Variants in GRM7 observed in about 807,000 individuals in gnomAD.
GRM7 encodes glutamate metabotropic receptor 7.
In GRM7, 35 loss-of-function variants were observed where a neutral mutation model predicts 84.5. The ratio of observed to expected loss-of-function variants is 0.41; its 90% CI spans 0.32 to 0.55. The LOEUF (loss-of-function observed/expected upper bound fraction) is 0.55, where lower values mean the gene tolerates loss of function less well. Among genes scored for constraint, GRM7 ranks in the 20% least tolerant of loss-of-function variants. GRM7 has a pLI of 0.19. For synonymous variants in GRM7, 487 were observed against 455.1 expected, an observed-to-expected ratio of 1.07 and a Z score of -0.89; for missense variants, 1,003 against 1,194.6, an observed-to-expected ratio of 0.84 and a Z score of 2.36.
intron 8 of GRM7, among the ~76,000 whole-genome samples, chr3:7,663,588 T>A (rs1699557860): frequency 6.6e-6 from 1 of 152,204 alleles, no homozygotes; most frequent in South Asian, 2.1e-4. Context: ...GCATAAATAA[T>A]TGCCTATAAT....
intron 7 of GRM7, among the ~76,000 whole-genome samples, chr3:7,476,186 C>T (rs1420779206): frequency 6.6e-6 from 1 of 152,140 alleles, no homozygotes; most frequent in Non-Finnish European, 1.5e-5. Context: ...GCTTCATCCC[C>T]CCATCTGCAA....
intron 7 of GRM7, among the ~76,000 whole-genome samples, chr3:7,519,037 T>C (rs1382508431): frequency 1.3e-5 from 2 of 152,342 alleles, no homozygotes; most frequent in Non-Finnish European, 1.5e-5. Context: ...CCCCTCAATT[T>C]TGCATTTGAG....
At chr3:7,469,328 G>C (rs775137717) in intron 7 of GRM7, among the ~76,000 whole-genome samples, 6 of 152,180 alleles carry the variant, frequency 3.9e-5, no homozygotes, top group East Asian at 1.9e-4. Context: ...CAAGTGCAAA[G>C]TTAGATGATT....
At chr3:7,182,229 A>T (rs1426310414) in intron 2 of GRM7, among the ~76,000 whole-genome samples, 1 of 152,200 alleles carries the variant, frequency 6.6e-6, no homozygotes, top group African/African-American at 2.4e-5. Context: ...TGCAAAAAAA[A>T]CTATTAAAAT....
intron 1 of GRM7, among the ~76,000 whole-genome samples, chr3:6,951,213 T>C (rs1340692452): frequency 2.0e-5 from 3 of 152,222 alleles, no homozygotes; most frequent in African/African-American, 7.2e-5. Flanking sequence ...AGTTTACGAA[T>C]GTTATTAATT....
At chr3:7,026,381 A>G (rs1027303145) in intron 1 of GRM7, among the ~76,000 whole-genome samples, 18 of 152,204 alleles carry the variant, frequency 1.2e-4, no homozygotes, top group African/African-American at 4.3e-4. Flanking sequence ...GAGAATGACC[A>G]AATCCTTAAT....
At chr3:7,545,765 C>G (rs1199093210) in intron 7 of GRM7, among the ~76,000 whole-genome samples, 2 of 152,108 alleles carry the variant, frequency 1.3e-5, no homozygotes, top group African/African-American at 4.8e-5. Context: ...ATTTCCTGAT[C>G]TGTGTGCTGA....
At chr3:7,462,914 A>G (rs3792478) in intron 7 of GRM7, among the ~76,000 whole-genome samples, 4 of 152,240 alleles carry the variant, frequency 2.6e-5, no homozygotes, top group East Asian at 1.9e-4. Flanking sequence ...AGAAGCTAAG[A>G]TTATTCTGAA....
chr3:7,258,214 T>C (rs1698279702), intron 2 of GRM7, among the ~76,000 whole-genome samples: 1 of 152,186 alleles, frequency 6.6e-6, no homozygotes, highest in African/African-American at 2.4e-5. Flanking sequence ...TTCAGTGTTC[T>C]ACCACTGCCC....
intron 1 of GRM7, among the ~76,000 whole-genome samples, chr3:6,969,951 G>A (rs1479157968): frequency 1.3e-5 from 2 of 152,172 alleles, no homozygotes; most frequent in Non-Finnish European, 2.9e-5. Flanking sequence ...AAGCAGAAAT[G>A]CATGTGCCTT....
At chr3:7,042,952 T>G (rs1046627692) in intron 1 of GRM7, among the ~76,000 whole-genome samples, 1 of 152,192 alleles carries the variant, frequency 6.6e-6, no homozygotes, top group Non-Finnish European at 1.5e-5. Context: ...TTAAAGACAG[T>G]TTCATCCTTT....
intron 2 of GRM7, among the ~76,000 whole-genome samples, chr3:7,214,796 TG>T (rs1348436687): frequency 1.3e-5 from 2 of 152,204 alleles, no homozygotes; most frequent in Admixed American, 6.5e-5. Context: ...ATCTTGGGTT[TG>T]TTTTTTTTGT....
At chr3:7,489,801 T>G (rs998428763) in intron 7 of GRM7, among the ~76,000 whole-genome samples, 1 of 151,934 alleles carries the variant, frequency 6.6e-6, no homozygotes, top group African/African-American at 2.4e-5. Flanking sequence ...CTTAAAGTTA[T>G]AGCAAAGAAT....
chr3:6,944,188 A>G (rs1034702097), intron 1 of GRM7, among the ~76,000 whole-genome samples: 1 of 152,002 alleles, frequency 6.6e-6, no homozygotes, highest in Non-Finnish European at 1.5e-5. Flanking sequence ...GTCTCATTGC[A>G]TGGGCTAGAA....
chr3:7,379,871 C>G (rs1181910513), intron 4 of GRM7, among the ~76,000 whole-genome samples: 2 of 152,080 alleles, frequency 1.3e-5, no homozygotes, highest in Non-Finnish European at 2.9e-5. Context: ...GCTGATTATT[C>G]TTCCTTACCT....
chr3:7,012,337 T>C (rs1695402896), intron 1 of GRM7, among the ~76,000 whole-genome samples: 1 of 152,212 alleles, frequency 6.6e-6, no homozygotes. Flanking sequence ...TGGAAATCTT[T>C]TTTCAATTAT....
chr3:7,382,907 A>G (rs1007282413), intron 4 of GRM7, among the ~76,000 whole-genome samples: 1 of 152,212 alleles, frequency 6.6e-6, no homozygotes, highest in African/African-American at 2.4e-5. Context: ...CATTTCACAC[A>G]TACTTTGCTT....
intron 5 of GRM7, among the ~76,000 whole-genome samples, chr3:7,426,492 T>C (rs1040973432): frequency 2.6e-5 from 4 of 152,076 alleles, no homozygotes; most frequent in African/African-American, 9.7e-5. Context: ...ATTTTTTTTT[T>C]CCCCCAATAC....
chr3:7,144,916 GAGC>G (rs1229082580), intron 1 of GRM7, among the ~76,000 whole-genome samples: 2 of 152,220 alleles, frequency 1.3e-5, no homozygotes, highest in Admixed American at 6.6e-5. Flanking sequence ...AATGGTCATA[GAGC>G]AGAAGTGCAT....
Sources: allele counts gnomAD v4.1 joint callset (sites outside exome capture counted in the v4.1 genomes callset), GRCh38; gene constraint gnomAD v4.1.1; transcripts MANE v1.5; gene names NCBI Gene and HGNC (gene_info 2026-07-23, HGNC 2026-07-21).